TPGS2: variants seen among roughly 807,000 people sequenced by gnomAD.
TPGS2 encodes the protein polyglutamylase subunit 2.
TPGS2 carries 26 observed loss-of-function variants against 31.1 expected under a neutral mutation model. The ratio of observed to expected loss-of-function variants is 0.84; its 90% CI spans 0.61 to 1.16. The LOEUF (loss-of-function observed/expected upper bound fraction) is 1.16, where lower values mean the gene tolerates loss of function less well. Among genes scored for constraint, TPGS2 ranks in the 50% most tolerant of loss-of-function variants. The probability of loss-of-function intolerance (pLI) is 0.00; values close to 1 mark genes in which losing one functional copy is unlikely to be tolerated. For synonymous variants in TPGS2, 130 were observed against 136.6 expected (o/e 0.95, Z 0.34); for missense variants, 351 against 363.8 (o/e 0.96, Z 0.29).
At position 36,796,858 on chromosome 18, in the gene TPGS2, T is replaced by G. The variant is rs907210393; in HGVS notation, c.850A>C (p.Thr284Pro). ...GAGGAGGATTTAGAAGTGGAGGAAG[T>G]GGAGGGACCGGAGGGTCCTGAGGGC... ...KGPSGPSGPS[T>P]SSTSKSSSGS... Residue 284 changes from threonine to proline, a missense_variant, in exon 7 of 7, where the codon ACT becomes CCT. By Grantham distance (38) the Thr-to-Pro change is conservative. Transcript: ENST00000334295. 6.2e-7 allele frequency: 1 copy of G among 1,607,246 alleles called. No homozygotes were observed. Among genetic ancestry groups the G allele is most frequent in the Non-Finnish European group, 8.5e-7 (1 of 1,177,968 alleles).
intron 1 of TPGS2, among the ~76,000 whole-genome samples, chr18:36,823,200 A>G (rs761953074): frequency 1.3e-5 from 2 of 152,076 alleles, no homozygotes; most frequent in South Asian, 4.1e-4. Context: ...AGGTGTGCTG[A>G]TAGGTATTTT....
Position 36,803,458 on chromosome 18 carries a change from T to C in TPGS2, c.382+1916A>G, listed in dbSNP as rs548550205. Among the ~76,000 whole-genome samples the C allele has an allele frequency of 1.4e-4, 21 of 152,330 alleles. No individual in the cohort carries two copies. The South Asian group carries it at 4.4e-3, about 32-fold the overall frequency. On this transcript the variant is annotated intron_variant, in intron 4 of 6. Coordinates refer to ENST00000334295, the MANE Select transcript of TPGS2 (RefSeq NM_015476.4). ...GCTTGTAATTTTCTCCACATCAGTATATGCATCAGTGTCTGTGTTTTCTCA... is the reference window on the plus strand; with the variant it reads ...GCTTGTAATTTTCTCCACATCAGTACATGCATCAGTGTCTGTGTTTTCTCA...
At chr18:36,812,749 T>C (rs1295907343) in intron 2 of TPGS2, among the ~76,000 whole-genome samples, 1 of 152,190 alleles carries the variant, frequency 6.6e-6, no homozygotes, top group Non-Finnish European at 1.5e-5. Context: ...GCATTGGAAG[T>C]GAGGGCAGTC....
At chr18:36,825,325 G>A (rs959060180) in intron 1 of TPGS2, among the ~76,000 whole-genome samples, 9 of 151,652 alleles carry the variant, frequency 5.9e-5, no homozygotes, top group East Asian at 3.9e-4. Flanking sequence ...CCAGCTGCCC[G>A]GGAGGATGAG....
intron 1 of TPGS2, chr18:36,821,151 TG>T (rs1451515028): frequency 6.6e-5 from 10 of 152,244 alleles, no homozygotes; most frequent in African/African-American, 2.4e-4. Flanking sequence ...TGTGAAAAAA[TG>T]GTGTACCAGT....
intron 4 of TPGS2, among the ~76,000 whole-genome samples, chr18:36,801,104 A>G (rs2044790883): frequency 6.6e-6 from 1 of 152,140 alleles, no homozygotes; most frequent in Non-Finnish European, 1.5e-5. Context: ...CCATTCCTCT[A>G]TGGATAGGCA....
chr18:36,797,666 A>T (rs1252752606), intron 6 of TPGS2, among the ~76,000 whole-genome samples: 2 of 150,422 alleles, frequency 1.3e-5, no homozygotes, highest in Non-Finnish European at 2.9e-5. Flanking sequence ...ATACACAGTA[A>T]GGTGAGCTGG....
At chr18:36,781,305 A>G (rs539030320), downstream of TPGS2, among the ~76,000 whole-genome samples, 4 of 152,280 alleles carry the variant, frequency 2.6e-5, no homozygotes, top group African/African-American at 9.6e-5. Context: ...TGCAGCAGGT[A>G]TTTCGAGGGG....
chr18:36,807,030 G>A (rs906996779), intron 3 of TPGS2, among the ~76,000 whole-genome samples: 12 of 151,900 alleles, frequency 7.9e-5, no homozygotes, highest in African/African-American at 2.9e-4. Context: ...GCATTTTTAG[G>A]GACAGCAGTG....
chr18:36,792,313 C>T (rs768195410), downstream of TPGS2, among the ~76,000 whole-genome samples: 3 of 152,074 alleles, frequency 2.0e-5, no homozygotes, highest in Non-Finnish European at 2.9e-5. Flanking sequence ...ATGGGTCTAC[C>T]TACGGCATGC....
At chr18:36,807,061 C>T (rs2045184022) in intron 3 of TPGS2, among the ~76,000 whole-genome samples, 1 of 151,640 alleles carries the variant, frequency 6.6e-6, no homozygotes, top group African/African-American at 2.4e-5. Flanking sequence ...GGGTACTTCC[C>T]AAGGCCAAAG....
downstream of TPGS2, among the ~76,000 whole-genome samples, chr18:36,781,170 A>T (rs2044002515): frequency 6.6e-6 from 1 of 152,168 alleles, no homozygotes; most frequent in African/African-American, 2.4e-5. Flanking sequence ...CAGCAACTGT[A>T]GAGCAATACT....
At chr18:36,781,708 T>A, downstream of TPGS2, 1 of 947,202 alleles carries the variant, frequency 1.1e-6, no homozygotes, top group South Asian at 4.9e-5. Flanking sequence ...TTATAGGCAA[T>A]GTGCAGTAGC....
chr18:36,788,664 C>A (rs2044205975), intron 6 of TPGS2: 1 of 152,148 alleles, frequency 6.6e-6, no homozygotes, highest in Non-Finnish European at 1.5e-5. Context: ...AGCTGGTCTT[C>A]AGAGGAGTAC....
intron 2 of TPGS2, among the ~76,000 whole-genome samples, chr18:36,816,074 G>T (rs1600820057): frequency 6.6e-6 from 1 of 152,110 alleles, no homozygotes; most frequent in South Asian, 2.1e-4. Context: ...CCAAATCTAC[G>T]TATCTGATTA....
At chr18:36,810,854 A>G (rs2045391732) in intron 2 of TPGS2, among the ~76,000 whole-genome samples, 1 of 152,160 alleles carries the variant, frequency 6.6e-6, no homozygotes, top group African/African-American at 2.4e-5. Flanking sequence ...ATTCCAGAAA[A>G]CCAATAGCAC....
chr18:36,802,846 T>C (rs1299665525), intron 4 of TPGS2, among the ~76,000 whole-genome samples: 1 of 152,150 alleles, frequency 6.6e-6, no homozygotes, highest in African/African-American at 2.4e-5. Flanking sequence ...CAGAATGGTC[T>C]TGATCTCCTG....
chr18:36,801,493 C>A (rs565741135), intron 4 of TPGS2, among the ~76,000 whole-genome samples: 2 of 152,080 alleles, frequency 1.3e-5, no homozygotes, highest in East Asian at 3.9e-4. Context: ...GCCACCATAC[C>A]CAGGTAATTT....
In TPGS2 at chr18:36,819,897, TA is replaced by T. The variant is rs575123129; in HGVS notation, c.86-925del. Among the ~76,000 whole-genome samples, 3 of 152,278 alleles carry T rather than the reference TA, an allele frequency of 2.0e-5. No individual in the cohort carries two copies. In the South Asian group the frequency reaches 6.2e-4, roughly 32 times the overall value. On this transcript the variant is annotated intron_variant, in intron 1 of 6. Coordinates refer to ENST00000334295, the MANE Select transcript of TPGS2 (RefSeq NM_015476.4). ...AGTCCAATGATTGGTGCCCTCCTCATAAAAAGAACAACATGTAGCCAGGTAT... is the reference window on the plus strand; with the variant it reads ...AGTCCAATGATTGGTGCCCTCCTCATAAAAGAACAACATGTAGCCAGGTAT...
Sources: gnomAD v4.1 joint callset for allele counts (sites outside exome capture counted in the v4.1 genomes callset) on GRCh38, gnomAD v4.1.1 for gene constraint, MANE v1.5 for transcripts, NCBI Gene and HGNC (gene_info 2026-07-23, HGNC 2026-07-21) for gene names.